ADAM18: variants seen among roughly 807,000 people sequenced by gnomAD.
ADAM18 encodes disintegrin and metalloproteinase domain-containing protein 18.
A neutral mutation model predicts 94.4 loss-of-function variants in ADAM18; 117 were observed. The ratio of observed to expected loss-of-function variants is 1.24; its 90% CI spans 1.07 to 1.45. The LOEUF (loss-of-function observed/expected upper bound fraction) is 1.45, where lower values mean the gene tolerates loss of function less well. Ranked by LOEUF, ADAM18 falls within the 40% of genes most tolerant of loss-of-function variation. The pLI, the probability that ADAM18 is intolerant of heterozygous loss-of-function variation, is 0.00. For missense variants in ADAM18, 936 were observed against 880.0 expected, an observed-to-expected ratio of 1.06 and a Z score of -0.81; for synonymous variants, 327 against 291.6, an observed-to-expected ratio of 1.12 and a Z score of -1.24.
At chr8:39,652,034 A>G (rs949725985) in intron 12 of ADAM18, among the ~76,000 whole-genome samples, 5 of 152,148 alleles carry the variant, frequency 3.3e-5, no homozygotes, top group African/African-American at 4.8e-5. Context: ...GTCTCACAAA[A>G]TATAAAAAAC....
chr8:39,592,383 T>A (rs1818594325), intron 2 of ADAM18, among the ~76,000 whole-genome samples: 1 of 152,164 alleles, frequency 6.6e-6, no homozygotes, highest in South Asian at 2.1e-4. Flanking sequence ...AAAAGACACC[T>A]GCACTTGTAT....
Position 39,668,012 on chromosome 8 carries a change from C to A in ADAM18, c.1341C>A (p.Gly447=). 1 of 1,613,832 alleles carries A rather than the reference C, an allele frequency of 6.2e-7. No homozygotes were observed. Among genetic ancestry groups the A allele is most frequent in the Non-Finnish European group, 8.5e-7 (1 of 1,179,824 alleles). The change falls in exon 14 of 20, where the codon GGC becomes GGA. Residue 447 remains glycine (G), a synonymous_variant. Transcript: ENST00000265707. ...CTSKCELSIA[G]TPCRKSIDPE... Reference sequence around the variant, plus strand: ...TTTCCTCCCAGTTGTCAATAGCAGGCACTCCATGTAGAAAGAGTATTGATC... The same window carrying A: ...TTTCCTCCCAGTTGTCAATAGCAGGAACTCCATGTAGAAAGAGTATTGATC...
Position 39,609,073 on chromosome 8 carries a change from A to G in ADAM18, c.220A>G (p.Thr74Ala). ...CTTACCCCAGAACTTTTTGGTTTAT[A>G]CATATAATGAAACTGGATCTTTGCA... ...SFLPQNFLVYTYNETGSLHSV... is the reference protein window; with the variant it reads ...SFLPQNFLVYAYNETGSLHSV... Residue 74 changes from threonine (T) to alanine (A), a missense_variant, in exon 4 of 20, where the codon ACA (threonine) becomes GCA (alanine). Physicochemically the swap from Thr to Ala is moderately conservative, Grantham distance 58 (BLOSUM62 0). Transcript: ENST00000265707. 1 of 1,590,420 alleles carries G rather than the reference A, an allele frequency of 6.3e-7. No individual in the cohort carries two copies. The highest frequency in any genetic ancestry group is 1.8e-5 in the Admixed American group (1 of 56,140).
intron 2 of ADAM18, among the ~76,000 whole-genome samples, chr8:39,594,230 A>G (rs1301648481): frequency 2.0e-5 from 3 of 152,170 alleles, no homozygotes; most frequent in Non-Finnish European, 4.4e-5. Context: ...CAAACTATTT[A>G]AACCTTAATG....
chr8:39,644,107 T>C (rs1238178096), intron 10 of ADAM18, among the ~76,000 whole-genome samples: 1 of 152,078 alleles, frequency 6.6e-6, no homozygotes, highest in Non-Finnish European at 1.5e-5. Context: ...ATTACACAGA[T>C]TTTCTAGTTA....
rs1056099909 is a variant in ADAM18 at position 39,613,358 on chromosome 8, A to G, written c.522+2652A>G. Among the ~76,000 whole-genome samples, 3 of 152,348 alleles carry G rather than the reference A, an allele frequency of 2.0e-5. No individual in the cohort carries two copies. The East Asian group carries it at 5.8e-4, about 29-fold the overall frequency. On this transcript the variant is annotated intron_variant, in intron 6 of 19. Coordinates refer to ENST00000265707, the MANE Select transcript of ADAM18 (RefSeq NM_014237.3). ...CCCCCAGGGTTAGAGCATGCAGCCC[A>G]GGAGTACTAAACCAAGTATGAGCCC...
At position 39,730,011 on chromosome 8, in the gene ADAM18, C is replaced by A; in HGVS notation, c.*71C>A. 6.9e-7 allele frequency: 1 copy of A among 1,446,718 alleles called. No individual in the cohort carries two copies. Among genetic ancestry groups the A allele is most frequent in the Non-Finnish European group, 9.7e-7 (1 of 1,032,354 alleles). 89.6% of individuals were successfully genotyped at this position (1,446,718 alleles called of 1,614,324 possible). A position where few individuals can be genotyped will look rare whatever the true frequency, so the allele number is the denominator to read the frequency against. ...GCTTTATTTATAACCTTACGTTATC[C>A]CCAATGCATTGTAAATGTCAAACTT... is the stretch of plus-strand genomic sequence containing the variant. On this transcript the variant is annotated 3_prime_UTR_variant, in exon 20 of 20. Coordinates refer to ENST00000265707, the MANE Select transcript of ADAM18 (RefSeq NM_014237.3).
chr8:39,600,589 G>A (rs1818871735), intron 2 of ADAM18, among the ~76,000 whole-genome samples: 1 of 152,144 alleles, frequency 6.6e-6, no homozygotes, highest in Non-Finnish European at 1.5e-5. Flanking sequence ...CTAATTTTCT[G>A]TCACTAATGC....
At chr8:39,599,522 A>G (rs1302585237) in intron 2 of ADAM18, among the ~76,000 whole-genome samples, 1 of 152,076 alleles carries the variant, frequency 6.6e-6, no homozygotes, top group Admixed American at 6.6e-5. Flanking sequence ...TATCGATTCA[A>G]TGTCTTTAAT....
At chr8:39,627,697 A>G (rs1819812016) in intron 6 of ADAM18, among the ~76,000 whole-genome samples, 1 of 151,954 alleles carries the variant, frequency 6.6e-6, no homozygotes, top group South Asian at 2.1e-4. Flanking sequence ...TAAGTGGTGT[A>G]TTTAGACCAT....
rs111980144 is a variant in ADAM18, at chr8:39,723,956, T to A, written c.2177+49T>A. 22 of 1,154,918 alleles carry A rather than the reference T, an allele frequency of 1.9e-5. 1 individual carries two copies. In the African/African-American group the frequency reaches 2.1e-4, roughly 11 times the overall value. 71.5% of individuals were successfully genotyped at this position (1,154,918 alleles called of 1,614,324 possible). On this transcript the variant is annotated intron_variant, in intron 19 of 19. Coordinates refer to ENST00000265707, the MANE Select transcript of ADAM18 (RefSeq NM_014237.3). ...TATTAGGTTTAATTATCCTAGTCAT[T>A]AACCAGTGTCATGCATTTTATATAA...
At chr8:39,707,110 TATAC>T (rs1430354156) in intron 18 of ADAM18, among the ~76,000 whole-genome samples, 1 of 152,220 alleles carries the variant, frequency 6.6e-6, no homozygotes, top group Non-Finnish European at 1.5e-5. Context: ...TTTTCCTACA[TATAC>T]ATATCTATGA....
At chr8:39,621,273 T>G (rs561322084) in intron 6 of ADAM18, among the ~76,000 whole-genome samples, 1 of 150,362 alleles carries the variant, frequency 6.7e-6, no homozygotes, top group South Asian at 2.1e-4. Flanking sequence ...AGCAGCTGAG[T>G]TTTTTAAATG....
intron 16 of ADAM18, among the ~76,000 whole-genome samples, chr8:39,683,062 T>G (rs1350002737): frequency 6.6e-6 from 1 of 152,216 alleles, no homozygotes; most frequent in Non-Finnish European, 1.5e-5. Flanking sequence ...GAAAAAATGA[T>G]GGAATATAAC....
intron 6 of ADAM18, among the ~76,000 whole-genome samples, chr8:39,624,654 G>A (rs1296978943): frequency 3.3e-5 from 5 of 152,196 alleles, no homozygotes; most frequent in African/African-American, 9.6e-5. Context: ...ATGTGAAATT[G>A]TAATCCTCAG....
At chr8:39,637,811 G>A in intron 9 of ADAM18, 108 bp downstream of exon 9, 1 of 999,838 alleles carries the variant, frequency 1.0e-6, no homozygotes, top group Non-Finnish European at 1.4e-6. Context: ...CTTTGGAAGT[G>A]TTTAAAAATT....
chr8:39,726,052 T>C (rs1366797131), intron 19 of ADAM18, among the ~76,000 whole-genome samples: 1 of 152,148 alleles, frequency 6.6e-6, no homozygotes, highest in Non-Finnish European at 1.5e-5. Context: ...TATGTTAACC[T>C]AAGATGTAAA....
At chr8:39,638,142 C>T (rs1002530924) in intron 9 of ADAM18, among the ~76,000 whole-genome samples, 8 of 151,334 alleles carry the variant, frequency 5.3e-5, no homozygotes, top group African/African-American at 1.7e-4. Flanking sequence ...TTGCTTCTTC[C>T]ACAAATTAAA....
At chr8:39,718,858 G>A (rs1354500732) in intron 18 of ADAM18, among the ~76,000 whole-genome samples, 1 of 151,010 alleles carries the variant, frequency 6.6e-6, no homozygotes, top group Non-Finnish European at 1.5e-5. Flanking sequence ...TAAATAAATG[G>A]AGAGGCATGC....
Sources: gnomAD v4.1 joint callset for allele counts (sites outside exome capture counted in the v4.1 genomes callset) on GRCh38, gnomAD v4.1.1 for gene constraint, MANE v1.5 for transcripts, NCBI Gene and HGNC (gene_info 2026-07-23, HGNC 2026-07-21) for gene names.